Variants in ABCA13 observed in about 807,000 individuals in gnomAD.
ABCA13 encodes ATP binding cassette subfamily A member 13.
ABCA13 carries 476 observed loss-of-function variants against 478.7 expected under a neutral mutation model. The ratio of observed to expected loss-of-function variants is 0.99; its 90% CI spans 0.92 to 1.07. The LOEUF (loss-of-function observed/expected upper bound fraction) is 1.07, where lower values mean the gene tolerates loss of function less well. Ranked by LOEUF, ABCA13 falls within the 50% of genes least tolerant of loss-of-function variation. The probability of loss-of-function intolerance (pLI) is 0.00; values close to 1 mark genes in which losing one functional copy is unlikely to be tolerated. For missense variants in ABCA13, 6,060 were observed against 5,910.6 expected (o/e 1.03, Z -0.83); for synonymous variants, 2,252 against 2,158.9 (o/e 1.04, Z -1.20).
intron 31 of ABCA13, among the ~76,000 whole-genome samples, chr7:48,357,243 T>G (rs1160965445): frequency 2.6e-5 from 4 of 152,016 alleles, no homozygotes; most frequent in East Asian, 3.9e-4. Context: ...ATTGTTTCTC[T>G]TCCTTGGGCT....
intron 48 of ABCA13, among the ~76,000 whole-genome samples, chr7:48,497,811 AG>A (rs1343420232): frequency 6.6e-6 from 1 of 152,110 alleles, no homozygotes; most frequent in African/African-American, 2.4e-5. Flanking sequence ...GGGGACAGGT[AG>A]TGAAGTACCA....
chr7:48,313,053 G>T lies in ABCA13; in HGVS notation c.9517-14G>T, dbSNP rs1056352194. On this transcript the variant is annotated splice_polypyrimidine_tract_variant and intron_variant, in intron 24 of 61. Coordinates refer to ENST00000435803, the MANE Select transcript of ABCA13 (RefSeq NM_152701.5). ...GGTTATTTCATGTTGTTTTGTTTTT[G>T]TTTTGTCCTTTAGACTCTGATGCCT... 2.6e-6 allele frequency: 4 copies of T among 1,532,818 alleles called. No individual in the cohort carries two copies. Among genetic ancestry groups the T allele is most frequent in the Admixed American group, 4.3e-5 (2 of 46,552 alleles). The allele number at this position is 1,532,818 out of a possible 1,614,324, so 95.0% of individuals were successfully genotyped here. A position where few individuals can be genotyped will look rare whatever the true frequency, so the allele number is the denominator to read the frequency against.
intron 56 of ABCA13, among the ~76,000 whole-genome samples, chr7:48,581,622 C>T (rs1199897495): frequency 2.6e-5 from 4 of 152,304 alleles, no homozygotes; most frequent in East Asian, 1.9e-4. Flanking sequence ...AAAAAGCTCT[C>T]GTTAATGTAG....
In ABCA13 at chr7:48,309,443, G is replaced by A. The variant is rs554717369; in HGVS notation, c.9322-504G>A. Among the ~76,000 whole-genome samples the A allele has an allele frequency of 2.8e-4, 42 of 152,204 alleles. No homozygotes were observed. The South Asian group carries it at 3.5e-3, about 13-fold the overall frequency. Reference sequence around the variant, plus strand: ...AGTTGTCCTCAGTGCCTCCTTCTGAGTGTACTTGCTTTAAAAAAATATATA... The same window carrying A: ...AGTTGTCCTCAGTGCCTCCTTCTGAATGTACTTGCTTTAAAAAAATATATA... On this transcript the variant is annotated intron_variant, in intron 23 of 61. Coordinates refer to ENST00000435803, the MANE Select transcript of ABCA13 (RefSeq NM_152701.5).
chr7:48,444,054 T>C (rs528104521), intron 42 of ABCA13, among the ~76,000 whole-genome samples: 1 of 152,302 alleles, frequency 6.6e-6, no homozygotes, highest in Admixed American at 6.5e-5. Context: ...GCCCTCTTCC[T>C]AGGTGAGGCT....
intron 5 of ABCA13, among the ~76,000 whole-genome samples, chr7:48,226,839 T>C (rs556155359): frequency 1.3e-5 from 2 of 152,312 alleles, no homozygotes; most frequent in South Asian, 4.1e-4. Context: ...CAGTGCTCAG[T>C]GAAATGTTGG....
At chr7:48,371,685 T>G (rs1340156140) in intron 32 of ABCA13, among the ~76,000 whole-genome samples, 1 of 152,192 alleles carries the variant, frequency 6.6e-6, no homozygotes, top group East Asian at 1.9e-4. Flanking sequence ...TAGGAACTTT[T>G]GGGCTGAGAC....
chr7:48,527,950 C>T, intron 54 of ABCA13, among the ~76,000 whole-genome samples: 1 of 152,160 alleles, frequency 6.6e-6, no homozygotes, highest in East Asian at 1.9e-4. Flanking sequence ...ATTTACTTCT[C>T]ATCCTCTTGA....
intron 5 of ABCA13, among the ~76,000 whole-genome samples, chr7:48,224,102 T>C (rs1433912912): frequency 6.6e-6 from 1 of 152,186 alleles, no homozygotes; most frequent in Non-Finnish European, 1.5e-5. Context: ...GCCTTTGCTG[T>C]CTGTTCCCAC....
At chr7:48,184,836 T>G (rs1039171640) in intron 1 of ABCA13, among the ~76,000 whole-genome samples, 2 of 151,960 alleles carry the variant, frequency 1.3e-5, no homozygotes, top group South Asian at 4.1e-4. Flanking sequence ...AAAAAGACAG[T>G]TTCTTTCACT....
chr7:48,275,922 A>C lies in ABCA13; in HGVS notation c.6256A>C (p.Ile2086Leu), dbSNP rs1412785246. ...RHLLSEMNKG[I>L]KSINSMALQK... Reference sequence around the variant, plus strand: ...CCTGCTTTCTGAAATGAACAAAGGAATCAAAAGTATAAATTCAATGGCTCT... The same window carrying C: ...CCTGCTTTCTGAAATGAACAAAGGACTCAAAAGTATAAATTCAATGGCTCT... The change falls in exon 17 of 62, where the codon ATC becomes CTC. Residue 2086 changes from isoleucine (I) to leucine (L), a missense_variant. Ile to Leu is a conservative substitution (Grantham distance 5). Transcript: ENST00000435803. 1 of 1,613,714 alleles carries C rather than the reference A, an allele frequency of 6.2e-7. No individual in the cohort carries two copies.
At position 48,336,282 on chromosome 7, in the gene ABCA13, G is replaced by T. The variant is rs188890835; in HGVS notation, c.10113+747G>T. ...CAGGATACATGGAGCCCTTGGAATAGGTTTTGACACAGAGAAAATGCTACT... is the reference window on the plus strand; with the variant it reads ...CAGGATACATGGAGCCCTTGGAATATGTTTTGACACAGAGAAAATGCTACT... On this transcript the variant is annotated intron_variant, in intron 28 of 61. Coordinates refer to ENST00000435803, the MANE Select transcript of ABCA13 (RefSeq NM_152701.5). 1.4e-3 allele frequency among the ~76,000 whole-genome samples: 216 copies of T among 152,282 alleles called. 1 individual carries two copies. Among genetic ancestry groups the T allele is most frequent in the African/African-American group, 4.9e-3 (204 of 41,560 alleles).
At chr7:48,475,114 T>G (rs1827935505) in intron 45 of ABCA13, among the ~76,000 whole-genome samples, 2 of 152,236 alleles carry the variant, frequency 1.3e-5, no homozygotes, top group African/African-American at 4.8e-5. Context: ...CAAATTTGAC[T>G]GCAAGAGTCC....
At chr7:48,462,727 G>A (rs182271730) in intron 43 of ABCA13, among the ~76,000 whole-genome samples, 5 of 152,096 alleles carry the variant, frequency 3.3e-5, no homozygotes, top group African/African-American at 9.6e-5. Context: ...CAGGCTGGTC[G>A]CGAACTCCTG....
At chr7:48,586,075 G>A (rs1789151409) in intron 56 of ABCA13, among the ~76,000 whole-genome samples, 1 of 152,172 alleles carries the variant, frequency 6.6e-6, no homozygotes, top group Admixed American at 6.5e-5. Context: ...TCTGATGAGA[G>A]ATATGGGCTG....
At chr7:48,239,651 C>T (rs1790515833) in intron 9 of ABCA13, among the ~76,000 whole-genome samples, 2 of 152,228 alleles carry the variant, frequency 1.3e-5, no homozygotes, top group Admixed American at 1.3e-4. Context: ...TGCACACACA[C>T]CTTGGCAACT....
chr7:48,362,273 T>C (rs1396910533), intron 31 of ABCA13, among the ~76,000 whole-genome samples: 1 of 150,388 alleles, frequency 6.6e-6, no homozygotes, highest in African/African-American at 2.5e-5. Context: ...GGCTTTTGGA[T>C]ATTTGTGCTT....
chr7:48,223,006 G>C (rs1431563616), intron 5 of ABCA13, among the ~76,000 whole-genome samples: 1 of 152,188 alleles, frequency 6.6e-6, no homozygotes, highest in Non-Finnish European at 1.5e-5. Context: ...AGTGAGATGT[G>C]AGGGTGGTTT....
chr7:48,478,296 T>TAAATGATATATATATAA, intron 45 of ABCA13, among the ~76,000 whole-genome samples: 1 of 138,982 alleles, frequency 7.2e-6, no homozygotes, highest in East Asian at 2.1e-4. Context: ...TATCATTTTA[T>TAAATGATATATATATAA]ATATATATAT....
Sources: allele counts gnomAD v4.1 joint callset (sites outside exome capture counted in the v4.1 genomes callset), GRCh38; gene constraint gnomAD v4.1.1; transcripts MANE v1.5; gene names NCBI Gene and HGNC (gene_info 2026-07-23, HGNC 2026-07-21).